The following KCNQ3 variants were observed in gnomAD, a reference collection of about 807,000 sequenced individuals.
KCNQ3 encodes potassium voltage-gated channel subfamily KQT member 3.
A neutral mutation model predicts 92.5 loss-of-function variants in KCNQ3; 30 were observed. The ratio of observed to expected loss-of-function variants is 0.32; its 90% confidence interval spans 0.24 to 0.44. The LOEUF is 0.44. KCNQ3 is among the 20% of genes least tolerant of loss of function. KCNQ3 has a pLI of 1.00. For synonymous variants in KCNQ3, 450 were observed against 468.8 expected (o/e 0.96, Z 0.52); for missense variants, 913 against 1,140.3 (o/e 0.80, Z 2.87).
intron 8 of KCNQ3, among the ~76,000 whole-genome samples, chr8:132,168,792 T>C (rs1476623723): frequency 8.7e-6 from 1 of 114,992 alleles, no homozygotes; most frequent in South Asian, 2.8e-4. Context: ...TGCAGAGGAG[T>C]TGTGGCTGGG....
At chr8:132,222,417 T>G (rs1347260094) in intron 1 of KCNQ3, among the ~76,000 whole-genome samples, 2 of 152,242 alleles carry the variant, frequency 1.3e-5, no homozygotes, top group African/African-American at 4.8e-5. Context: ...AGTAAGAAGC[T>G]TACTGTTCTC....
chr8:132,463,971 G>C (rs1003584166), intron 1 of KCNQ3, among the ~76,000 whole-genome samples: 3 of 152,156 alleles, frequency 2.0e-5, no homozygotes, highest in Non-Finnish European at 4.4e-5. Flanking sequence ...GACCACCTGA[G>C]GTCAGGAGTT....
chr8:132,282,990 A>G (rs1299228261), intron 1 of KCNQ3, among the ~76,000 whole-genome samples: 1 of 152,154 alleles, frequency 6.6e-6, no homozygotes, highest in East Asian at 1.9e-4. Context: ...CTGGGCAGAG[A>G]AAAGAAAGGA....
chr8:132,133,250 C>T (rs1242759525), intron 13 of KCNQ3, among the ~76,000 whole-genome samples: 1 of 152,042 alleles, frequency 6.6e-6, no homozygotes, highest in East Asian at 1.9e-4. Flanking sequence ...GGCACGCATT[C>T]TCCAGGTGCC....
At chr8:132,479,949 AACACACACACACACACACACACAC>A (rs371967111) in intron 1 of KCNQ3, among the ~76,000 whole-genome samples, 174 bp downstream of exon 1, 10 of 137,180 alleles carry the variant, frequency 7.3e-5, no homozygotes, top group South Asian at 2.6e-4. Flanking sequence ...GGAGAGCGGC[AACACACACACACACACACACACAC>A]ACACACACAC....
chr8:132,254,455 T>C (rs145864530), intron 1 of KCNQ3, among the ~76,000 whole-genome samples: 2 of 152,318 alleles, frequency 1.3e-5, no homozygotes, highest in African/African-American at 4.8e-5. Flanking sequence ...CATGAAACTG[T>C]TGGATATATT....
chr8:132,139,176 A>G (rs985721333), intron 11 of KCNQ3, among the ~76,000 whole-genome samples: 4 of 152,248 alleles, frequency 2.6e-5, no homozygotes, highest in Non-Finnish European at 4.4e-5. Flanking sequence ...TAAGACATCA[A>G]TGAAAATGCT....
intron 1 of KCNQ3, among the ~76,000 whole-genome samples, chr8:132,408,689 C>A (rs902504351): frequency 1.3e-5 from 2 of 152,074 alleles, no homozygotes; most frequent in African/African-American, 4.8e-5. Flanking sequence ...TGGGCCTGAC[C>A]AAATCTAGTG....
intron 1 of KCNQ3, among the ~76,000 whole-genome samples, chr8:132,345,349 T>G (rs1027472895): frequency 6.6e-6 from 1 of 152,104 alleles, no homozygotes; most frequent in Non-Finnish European, 1.5e-5. Context: ...AAAGAGTACA[T>G]AAAACTGAGG....
chr8:132,376,045 C>T (rs1819598554), intron 1 of KCNQ3, among the ~76,000 whole-genome samples: 1 of 152,126 alleles, frequency 6.6e-6, no homozygotes, highest in Non-Finnish European at 1.5e-5. Context: ...TCTTGTCAGG[C>T]CCTCATGGAA....
chr8:132,258,207 C>T (rs1364441047), intron 1 of KCNQ3, among the ~76,000 whole-genome samples: 1 of 152,106 alleles, frequency 6.6e-6, no homozygotes, highest in African/African-American at 2.4e-5. Context: ...CAGCAGAATG[C>T]ACATTCTTCT....
At chr8:132,464,637 G>A (rs1204055874) in intron 1 of KCNQ3, among the ~76,000 whole-genome samples, 1 of 152,168 alleles carries the variant, frequency 6.6e-6, no homozygotes, top group Non-Finnish European at 1.5e-5. Flanking sequence ...CTGTACATTA[G>A]AAAACGAAGG....
intron 1 of KCNQ3, among the ~76,000 whole-genome samples, chr8:132,339,757 T>A (rs1484242779): frequency 6.6e-6 from 1 of 151,982 alleles, no homozygotes; most frequent in Non-Finnish European, 1.5e-5. Context: ...CACTATGAAG[T>A]CCACATTTTT....
intron 1 of KCNQ3, among the ~76,000 whole-genome samples, chr8:132,338,718 C>G (rs1818435959): frequency 6.6e-6 from 1 of 152,160 alleles, no homozygotes; most frequent in Non-Finnish European, 1.5e-5. Context: ...AGCAAATGAC[C>G]TTTCTTGCTG....
chr8:132,304,697 G>A (rs1171826989), intron 1 of KCNQ3, among the ~76,000 whole-genome samples: 13 of 152,082 alleles, frequency 8.5e-5, no homozygotes, highest in Admixed American at 6.6e-5. Flanking sequence ...TTTCATCATT[G>A]CAGAAGTTTC....
chr8:132,243,167 T>A (rs1046176702), intron 1 of KCNQ3, among the ~76,000 whole-genome samples: 1 of 152,194 alleles, frequency 6.6e-6, no homozygotes. Context: ...GACTATGAGA[T>A]TTAGCTCTAA....
intron 1 of KCNQ3, among the ~76,000 whole-genome samples, chr8:132,378,681 G>A (rs7822712): frequency 0.32 from 49,180 of 151,980 alleles, 9,658 homozygotes; most frequent in African/African-American, 0.56. Flanking sequence ...GGTCCCTTCT[G>A]TTCCCAAAAC....
intron 1 of KCNQ3, among the ~76,000 whole-genome samples, chr8:132,459,715 T>C (rs1822019631): frequency 6.6e-6 from 1 of 151,788 alleles, no homozygotes; most frequent in South Asian, 2.1e-4. Context: ...GGTTCCTCCA[T>C]TATAAAGTTT....
At chr8:132,262,104 C>A (rs1392566930) in intron 1 of KCNQ3, among the ~76,000 whole-genome samples, 1 of 152,118 alleles carries the variant, frequency 6.6e-6, no homozygotes, top group African/African-American at 2.4e-5. Context: ...AGAGGTGGGA[C>A]ACAAATGGAC....
Sources: allele counts gnomAD v4.1 joint callset (sites outside exome capture counted in the v4.1 genomes callset), GRCh38; gene constraint gnomAD v4.1.1; transcripts MANE v1.5; gene names NCBI Gene and HGNC (gene_info 2026-07-23, HGNC 2026-07-21).